The following TMPRSS13 variants were observed in gnomAD, a reference collection of about 807,000 sequenced individuals.
TMPRSS13 encodes the protein transmembrane serine protease 13.
TMPRSS13 carries 50 observed loss-of-function variants against 68.4 expected under a neutral mutation model. The ratio of observed to expected loss-of-function variants is 0.73; its 90% CI spans 0.58 to 0.93. The LOEUF (loss-of-function observed/expected upper bound fraction) is 0.93. Among genes scored for constraint, TMPRSS13 ranks in the 40% least tolerant of loss-of-function variants. TMPRSS13 has a pLI of 0.00. For synonymous variants in TMPRSS13, 267 were observed against 285.8 expected, an observed-to-expected ratio of 0.93 and a Z score of 0.66; for missense variants, 615 against 729.2, an observed-to-expected ratio of 0.84 and a Z score of 1.80.
At chr11:117,917,871 T>G (rs1032122535) in intron 2 of TMPRSS13, among the ~76,000 whole-genome samples, 2 of 152,150 alleles carry the variant, frequency 1.3e-5, no homozygotes, top group Non-Finnish European at 2.9e-5. Context: ...ACTGATTCCT[T>G]AAGGGAAGAC....
rs1481594043 is a variant in TMPRSS13 at position 117,901,056 on chromosome 11, G to A, written c.*1183C>T. 6.6e-6 allele frequency: 1 copy of A among 152,264 alleles called. No homozygotes were observed. The highest frequency in any genetic ancestry group is 1.5e-5 in the Non-Finnish European group (1 of 68,056). The allele number at this position is 152,264 out of a possible 1,614,324, so 9.4% of individuals were successfully genotyped here. A position where few individuals can be genotyped will look rare whatever the true frequency, so the allele number is the denominator to read the frequency against. ...TCAGCAGGGCTGCCTGGAAGGCATG[G>A]GACCATGTTAGCTTTCTCTCCATAG... On this transcript the variant is annotated 3_prime_UTR_variant, in exon 13 of 13. Coordinates refer to ENST00000524993, the MANE Select transcript of TMPRSS13 (RefSeq NM_001077263.3).
rs1219689743 is a variant in TMPRSS13 at position 117,922,020 on chromosome 11, C to T, written c.22-3182G>A. 6.6e-6 allele frequency among the ~76,000 whole-genome samples: 1 copy of T among 152,202 alleles called. No homozygotes were observed. Among genetic ancestry groups the T allele is most frequent in the Non-Finnish European group, 1.5e-5 (1 of 68,034 alleles). On this transcript the variant is annotated intron_variant, in intron 1 of 12. Transcript: ENST00000524993. The surrounding 1 kb of genome is among the most constrained non-coding windows in gnomAD (Gnocchi z 4.2). Reference sequence around the variant, plus strand: ...GGGATCATCTGAGTAAGAGATTCCACACCAACCTTCTTTAGGCACTTCACG... The same window carrying T: ...GGGATCATCTGAGTAAGAGATTCCATACCAACCTTCTTTAGGCACTTCACG...
intron 1 of TMPRSS13, among the ~76,000 whole-genome samples, chr11:117,926,604 C>T (rs897439350): frequency 3.9e-5 from 6 of 152,224 alleles, no homozygotes; most frequent in Admixed American, 1.3e-4. Context: ...CATTGCACTG[C>T]TCTGAGAATT....
intron 1 of TMPRSS13, among the ~76,000 whole-genome samples, chr11:117,924,432 C>T (rs34227484): frequency 0.98 from 149,661 of 152,108 alleles, 73,666 homozygotes; most frequent in East Asian, 1. Context: ...TGGCAGCGTC[C>T]CTTTTCCAGT....
chr11:117,904,360 C>T (rs375666360), intron 10 of TMPRSS13, among the ~76,000 whole-genome samples: 1 of 152,350 alleles, frequency 6.6e-6, no homozygotes, highest in South Asian at 2.1e-4. Context: ...GACACACTCA[C>T]AAGCCTATCA....
In TMPRSS13 at chr11:117,922,319, C is replaced by T. The variant is rs2057656987; in HGVS notation, c.22-3481G>A. Among the ~76,000 whole-genome samples the T allele has an allele frequency of 6.6e-6, 1 of 152,178 alleles. No homozygotes were observed. The highest frequency in any genetic ancestry group is 1.5e-5 in the Non-Finnish European group (1 of 68,030). On this transcript the variant is annotated intron_variant, in intron 1 of 12. Transcript: ENST00000524993. The surrounding 1 kb of genome is among the most constrained non-coding windows in gnomAD (Gnocchi z 4.2). ...GCGTGATCTCGGCTCACTGCAACCTCCACCTCCCGGGTTCAAGTGATTCTC... is the reference window on the plus strand; with the variant it reads ...GCGTGATCTCGGCTCACTGCAACCTTCACCTCCCGGGTTCAAGTGATTCTC...
intron 1 of TMPRSS13, among the ~76,000 whole-genome samples, chr11:117,927,079 C>G (rs2057714407): frequency 6.6e-6 from 1 of 152,222 alleles, no homozygotes. Flanking sequence ...AGACTGTAAA[C>G]TACTCTTGTT....
chr11:117,905,211 A>AG (rs1220380488), intron 10 of TMPRSS13, among the ~76,000 whole-genome samples: 1 of 151,660 alleles, frequency 6.6e-6, no homozygotes, highest in African/African-American at 2.4e-5. Context: ...TAAGATTATT[A>AG]AGGTTCCCAA....
At chr11:117,929,009 AC>A (rs753613879) in intron 1 of TMPRSS13, among the ~76,000 whole-genome samples, 41 of 152,272 alleles carry the variant, frequency 2.7e-4, no homozygotes, top group Non-Finnish European at 5.1e-4. Flanking sequence ...GTGCTCACAG[AC>A]CACAGAGCAG....
Position 117,909,042 on chromosome 11 carries a change from T to TCC in TMPRSS13, c.1110-260_1110-259dup, listed in dbSNP as rs146172624. 5.8e-4 allele frequency among the ~76,000 whole-genome samples: 88 copies of TCC among 151,318 alleles called. 1 individual carries two copies. The highest frequency in any genetic ancestry group is 1.8e-3 in the African/African-American group (73 of 41,112). On this transcript the variant is annotated intron_variant, in intron 8 of 12. Transcript: ENST00000524993. ...GATGAGTAAGACCTCTGTGTGGCAC[T>TCC]CCCCCCCCACTATCTCCTCTGCAAG...
intron 1 of TMPRSS13, among the ~76,000 whole-genome samples, chr11:117,923,431 G>A (rs2057667177): frequency 6.6e-6 from 1 of 152,162 alleles, no homozygotes. Context: ...AGTGAGAGAG[G>A]GGGCCTGAGT....
At chr11:117,911,682 G>T in intron 6 of TMPRSS13, 86 bp downstream of exon 6, 1 of 1,093,510 alleles carries the variant, frequency 9.1e-7, no homozygotes, top group Non-Finnish European at 1.4e-6. Flanking sequence ...AGAAAAGCCA[G>T]TGAAGGGGGC....
intron 2 of TMPRSS13, among the ~76,000 whole-genome samples, chr11:117,917,500 G>A (rs947158661): frequency 2.6e-5 from 4 of 152,220 alleles, no homozygotes. Context: ...CACCAGCAGC[G>A]ATCTTTTACT....
At chr11:117,907,909 A>ATGAG in intron 9 of TMPRSS13, 1 of 985,646 alleles carries the variant, frequency 1.0e-6, no homozygotes, top group Non-Finnish European at 1.2e-6. Flanking sequence ...GAATGAATGA[A>ATGAG]TGAATGAATG....
intron 2 of TMPRSS13, among the ~76,000 whole-genome samples, chr11:117,918,126 G>A (rs561776673): frequency 4.6e-5 from 7 of 152,244 alleles, no homozygotes; most frequent in African/African-American, 1.2e-4. Flanking sequence ...TATTGAAACC[G>A]GTGCTCTGAC....
At chr11:117,923,573 C>G (rs1224332568) in intron 1 of TMPRSS13, among the ~76,000 whole-genome samples, 1 of 152,120 alleles carries the variant, frequency 6.6e-6, no homozygotes, top group Non-Finnish European at 1.5e-5. Flanking sequence ...CACTTCAGGT[C>G]CCCCAGAGCC....
chr11:117,929,048 TG>T (rs2057733945), intron 1 of TMPRSS13, among the ~76,000 whole-genome samples: 1 of 152,188 alleles, frequency 6.6e-6, no homozygotes, highest in South Asian at 2.1e-4. Context: ...CACATAGCCC[TG>T]GGGTGCTCAC....
intron 9 of TMPRSS13, chr11:117,907,911 G>GAATT: frequency 1.0e-6 from 1 of 985,792 alleles, no homozygotes; most frequent in Non-Finnish European, 1.2e-6. Flanking sequence ...ATGAATGAAT[G>GAATT]AATGAATGAA....
intron 1 of TMPRSS13, among the ~76,000 whole-genome samples, chr11:117,924,518 G>A (rs1416013453): frequency 6.6e-6 from 1 of 152,118 alleles, no homozygotes; most frequent in East Asian, 1.9e-4. Flanking sequence ...TCTGGGCTAG[G>A]CAGGAAGAAA....
Sources: allele counts gnomAD v4.1 joint callset (sites outside exome capture counted in the v4.1 genomes callset), GRCh38; gene constraint gnomAD v4.1.1; non-coding constraint Gnocchi (gnomAD v3.1); transcripts MANE v1.5; gene names NCBI Gene and HGNC (gene_info 2026-07-23, HGNC 2026-07-21).